The following N4BP1 variants were observed in gnomAD, a reference collection of about 807,000 sequenced individuals.
N4BP1 encodes NEDD4-binding protein 1.
N4BP1 carries 21 observed loss-of-function variants against 70.9 expected under a neutral mutation model. That is an observed-to-expected ratio of 0.30 (90% CI 0.21 to 0.43). N4BP1 has a LOEUF of 0.43. Ranked by LOEUF, N4BP1 falls within the 20% of genes least tolerant of loss-of-function variation. N4BP1 has a pLI of 1.00. For missense variants in N4BP1, 936 were observed against 1,069.4 expected, an observed-to-expected ratio of 0.88 and a Z score of 1.74; for synonymous variants, 387 against 394.6, an observed-to-expected ratio of 0.98 and a Z score of 0.23.
chr16:48,579,077 T>C (rs1448190833), intron 1 of N4BP1, among the ~76,000 whole-genome samples: 1 of 152,102 alleles, frequency 6.6e-6, no homozygotes, highest in Non-Finnish European at 1.5e-5. Context: ...TCTTGGCAAC[T>C]AGAGGGTAGA....
Position 48,596,347 on chromosome 16 carries a change from A to C in N4BP1, c.198+13428T>G, listed in dbSNP as rs1964414425. ...ACTAAAACCATAGATGAGAATACTA[A>C]CACCTTTGTCATGAAGCCTTGGAAC... On this transcript the variant is annotated intron_variant, in intron 1 of 6. Transcript: ENST00000262384. Among the ~76,000 whole-genome samples, 3 of 152,168 alleles carry C rather than the reference A, an allele frequency of 2.0e-5. 1 individual carries two copies. The highest frequency in any genetic ancestry group is 7.2e-5 in the African/African-American group (3 of 41,436).
Position 48,609,946 on chromosome 16 carries a change from C to G in N4BP1, c.27G>C (p.Glu9Asp). The G allele has an allele frequency of 7.1e-7, 1 of 1,410,316 alleles. No homozygotes were observed. Among genetic ancestry groups the G allele is most frequent in the Non-Finnish European group, 9.3e-7 (1 of 1,075,540 alleles). 87.4% of individuals were successfully genotyped at this position (1,410,316 alleles called of 1,614,324 possible). MAARAVLD[E>D]FTAPAEKAEL... Reference sequence around the variant, plus strand: ...CCGCCTTCTCAGCTGGCGCAGTGAACTCGTCCAGCACCGCCCGGGCCGCCA... The same window carrying G: ...CCGCCTTCTCAGCTGGCGCAGTGAAGTCGTCCAGCACCGCCCGGGCCGCCA... Residue 9 changes from glutamate to aspartate, a missense_variant, in exon 1 of 7, where the codon GAG (glutamate) becomes GAC (aspartate). Glu to Asp is a conservative substitution (Grantham distance 45). This residue lies in a region of N4BP1 where 187 missense variants were observed against 217.1 expected (regional missense o/e 0.86). Coordinates refer to ENST00000262384, the MANE Select transcript of N4BP1 (RefSeq NM_153029.4).
intron 2 of N4BP1, among the ~76,000 whole-genome samples, chr16:48,557,648 T>TA (rs1376591794): frequency 6.6e-6 from 1 of 152,072 alleles, no homozygotes; most frequent in East Asian, 1.9e-4. Flanking sequence ...AAAAAGCCAC[T>TA]AAAAAAATCC....
chr16:48,559,178 T>G (rs1056317559), intron 2 of N4BP1, among the ~76,000 whole-genome samples: 30 of 152,186 alleles, frequency 2.0e-4, no homozygotes, highest in Non-Finnish European at 4.1e-4. Context: ...TCTTATCTTA[T>G]GTATTTGAAA....
chr16:48,605,364 C>T (rs967343624), intron 1 of N4BP1, among the ~76,000 whole-genome samples: 8 of 152,208 alleles, frequency 5.3e-5, no homozygotes, highest in African/African-American at 1.7e-4. Context: ...CTCACCCCCA[C>T]GGCTGAGATC....
chr16:48,569,861 T>C (rs1963990934), intron 1 of N4BP1, among the ~76,000 whole-genome samples: 1 of 152,162 alleles, frequency 6.6e-6, no homozygotes, highest in Admixed American at 6.5e-5. Flanking sequence ...CATGAACAAC[T>C]TCGTGGCTCA....
chr16:48,596,210 T>A (rs1282009529), intron 1 of N4BP1, among the ~76,000 whole-genome samples: 1 of 152,230 alleles, frequency 6.6e-6, no homozygotes, highest in Non-Finnish European at 1.5e-5. Context: ...TTTTATTTTT[T>A]TTCCTCTGCA....
chr16:48,602,482 G>A (rs1894237704), intron 1 of N4BP1, among the ~76,000 whole-genome samples: 1 of 152,088 alleles, frequency 6.6e-6, no homozygotes, highest in South Asian at 2.1e-4. Flanking sequence ...AATCACTTCT[G>A]ACCCCAGCAT....
chr16:48,597,641 G>A (rs1964435927), intron 1 of N4BP1, among the ~76,000 whole-genome samples: 1 of 152,132 alleles, frequency 6.6e-6, no homozygotes, highest in African/African-American at 2.4e-5. Context: ...CCTGTCCCAT[G>A]ACTTCACCCT....
At chr16:48,569,973 C>T (rs1963992263) in intron 1 of N4BP1, among the ~76,000 whole-genome samples, 1 of 151,988 alleles carries the variant, frequency 6.6e-6, no homozygotes, top group Non-Finnish European at 1.5e-5. Context: ...TTTTAATTAA[C>T]CCACTGCCTT....
rs113933278 is a variant in N4BP1, at chr16:48,609,543, G to A, written c.198+232C>T. Among the ~76,000 whole-genome samples the A allele has an allele frequency of 7.0e-3, 1,061 of 152,344 alleles. 18 individuals carry two copies. Among genetic ancestry groups the A allele is most frequent in the African/African-American group, 0.025 (1,020 of 41,588 alleles). On this transcript the variant is annotated intron_variant, in intron 1 of 6. Transcript: ENST00000262384. ...TTCATCCTCGCGACAGCCCTCTGAGGTAGGTACTTTCGTCAGCGCCACTTT... is the reference window on the plus strand; with the variant it reads ...TTCATCCTCGCGACAGCCCTCTGAGATAGGTACTTTCGTCAGCGCCACTTT...
rs749888108 is a variant in N4BP1, at chr16:48,562,178, C to T, written c.465G>A (p.Glu155=). The change falls in exon 2 of 7, where the codon GAG becomes GAA. Residue 155 remains glutamate, a synonymous_variant. Coordinates refer to ENST00000262384, the MANE Select transcript of N4BP1 (RefSeq NM_153029.4). ...CAAATTGTTTGAATTCCCTTTTCAC[C>T]TCTGATTCTTTCTGACTACTGGGTA... ...ENLPSSQKES[E]VKREFKQFVE... is the part of the protein sequence containing the mutation. The T allele has an allele frequency of 1.5e-5, 24 of 1,613,832 alleles. No homozygotes were observed. The highest frequency in any genetic ancestry group is 3.3e-5 in the South Asian group (3 of 91,084).
intron 1 of N4BP1, among the ~76,000 whole-genome samples, chr16:48,603,953 T>C (rs1964539031): frequency 6.6e-6 from 1 of 152,194 alleles, no homozygotes; most frequent in South Asian, 2.1e-4. Flanking sequence ...CCTTGCTCTA[T>C]TGCACTTCAG....
chr16:48,595,332 G>A (rs930821014), intron 1 of N4BP1, among the ~76,000 whole-genome samples: 83 of 151,226 alleles, frequency 5.5e-4, no homozygotes, highest in African/African-American at 1.8e-3. Context: ...GCATGGTAGC[G>A]CACACCTGTA....
intron 1 of N4BP1, among the ~76,000 whole-genome samples, chr16:48,585,397 G>A (rs11641641): frequency 0.068 from 10,283 of 151,860 alleles, 456 homozygotes; most frequent in Middle Eastern, 0.11. Flanking sequence ...AGCAATTTGG[G>A]AGGCTAAGGC....
At chr16:48,553,223 A>G (rs1283724055) in intron 3 of N4BP1, among the ~76,000 whole-genome samples, 1 of 152,254 alleles carries the variant, frequency 6.6e-6, no homozygotes, top group East Asian at 1.9e-4. Flanking sequence ...CTTCAAAAAT[A>G]CTATCTAAAC....
At chr16:48,558,027 A>C (rs1189794307) in intron 2 of N4BP1, among the ~76,000 whole-genome samples, 1 of 152,188 alleles carries the variant, frequency 6.6e-6, no homozygotes, top group Non-Finnish European at 1.5e-5. Context: ...AATGGCATTT[A>C]CTACGTTCGC....
chr16:48,543,518 T>A (rs1298725744), intron 6 of N4BP1, among the ~76,000 whole-genome samples: 2 of 152,140 alleles, frequency 1.3e-5, no homozygotes, highest in Non-Finnish European at 2.9e-5. Flanking sequence ...TCCCAGGTCT[T>A]CTGCTGTGAG....
intron 1 of N4BP1, among the ~76,000 whole-genome samples, chr16:48,604,737 G>A (rs1183365478): frequency 6.6e-6 from 1 of 151,386 alleles, no homozygotes; most frequent in African/African-American, 2.4e-5. Flanking sequence ...CATATAATTC[G>A]ATGAATTCGA....
Sources: gnomAD v4.1 joint callset for allele counts (sites outside exome capture counted in the v4.1 genomes callset) on GRCh38, gnomAD v4.1.1 for gene constraint, gnomAD v4.1.1 regional missense constraint, MANE v1.5 for transcripts, NCBI Gene and HGNC (gene_info 2026-07-23, HGNC 2026-07-21) for gene names.